The following SNTG1 variants were observed in gnomAD, a reference collection of about 807,000 sequenced individuals.
SNTG1 encodes the protein gamma-1-syntrophin.
A neutral mutation model predicts 74.7 loss-of-function variants in SNTG1; 39 were observed. The observed-to-expected ratio is 0.52, with a 90% CI of 0.40 to 0.68. SNTG1 has a LOEUF of 0.68. Among genes scored for constraint, SNTG1 ranks in the 30% least tolerant of loss-of-function variants. The pLI is 0.00. For missense variants in SNTG1, 685 were observed against 609.5 expected, an observed-to-expected ratio of 1.12 and a Z score of -1.30; for synonymous variants, 254 against 217.1, an observed-to-expected ratio of 1.17 and a Z score of -1.49.
At chr8:50,179,375 C>T (rs1474371473) in intron 2 of SNTG1, among the ~76,000 whole-genome samples, 1 of 152,118 alleles carries the variant, frequency 6.6e-6, no homozygotes, top group Non-Finnish European at 1.5e-5. Flanking sequence ...TGCATTCAAT[C>T]TGTATATGGC....
At chr8:50,359,279 A>T (rs562026393) in intron 2 of SNTG1, among the ~76,000 whole-genome samples, 2 of 152,238 alleles carry the variant, frequency 1.3e-5, no homozygotes, top group East Asian at 1.9e-4. Flanking sequence ...TACCACATTT[A>T]TGCCTTATAG....
chr8:50,705,876 G>A (rs930622016), intron 16 of SNTG1, among the ~76,000 whole-genome samples: 1 of 152,178 alleles, frequency 6.6e-6, no homozygotes, highest in Non-Finnish European at 1.5e-5. Flanking sequence ...AAATTAAAAG[G>A]TTTTCATGCG....
At chr8:50,343,185 C>T (rs115359265) in intron 2 of SNTG1, among the ~76,000 whole-genome samples, 1,529 of 152,232 alleles carry the variant, frequency 0.01, 27 homozygotes, top group African/African-American at 0.035. Flanking sequence ...GCTTAACCTC[C>T]CAGTGAGTAT....
At chr8:50,074,660 G>T (rs979140690) in intron 1 of SNTG1, among the ~76,000 whole-genome samples, 2 of 152,198 alleles carry the variant, frequency 1.3e-5, no homozygotes, top group African/African-American at 4.8e-5. Context: ...TAATGAAAAA[G>T]TTAATATTGC....
At chr8:50,217,083 T>C (rs144888801) in intron 2 of SNTG1, among the ~76,000 whole-genome samples, 5 of 151,878 alleles carry the variant, frequency 3.3e-5, no homozygotes, top group Non-Finnish European at 7.4e-5. Flanking sequence ...ATGAAACAAA[T>C]GGGCTGACAC....
At chr8:50,769,501 CA>C (rs1223917505) in intron 18 of SNTG1, among the ~76,000 whole-genome samples, 1 of 151,616 alleles carries the variant, frequency 6.6e-6, no homozygotes, top group Non-Finnish European at 1.5e-5. Context: ...GTAATTGTAA[CA>C]AAAAAACACC....
chr8:50,511,554 C>T (rs2094075549), intron 9 of SNTG1, among the ~76,000 whole-genome samples: 1 of 152,214 alleles, frequency 6.6e-6, no homozygotes, highest in Admixed American at 6.5e-5. Context: ...GAGTCTAAGT[C>T]TCTTTGTAGG....
rs919588982 is a variant in SNTG1, at chr8:50,149,566, G to A, written c.-102-22995G>A. On this transcript the variant is annotated intron_variant, in intron 1 of 18. Coordinates refer to ENST00000642720, the MANE Select transcript of SNTG1 (RefSeq NM_018967.5). The stretch of plus-strand genomic sequence containing the variant: ...TTCAATCCATCTTGAATTAATTTTT[G>A]TATAAGGTGTAAGGAAGGGATCCAG... Among the ~76,000 whole-genome samples, 3 of 152,248 alleles carry A rather than the reference G, an allele frequency of 2.0e-5. No homozygotes were observed. The East Asian group carries it at 5.8e-4, about 29-fold the overall frequency.
intron 1 of SNTG1, among the ~76,000 whole-genome samples, chr8:50,030,197 T>A (rs1174039735): frequency 1.3e-5 from 2 of 152,152 alleles, no homozygotes; most frequent in South Asian, 4.1e-4. Context: ...AACTGGATTA[T>A]TTGATTTTTT....
intron 12 of SNTG1, among the ~76,000 whole-genome samples, chr8:50,579,734 T>A (rs1450105879): frequency 6.6e-6 from 1 of 152,220 alleles, no homozygotes; most frequent in East Asian, 1.9e-4. Flanking sequence ...TTCCATGTGG[T>A]GTTTGCCCTT....
intron 4 of SNTG1, among the ~76,000 whole-genome samples, chr8:50,429,273 T>C (rs947108282): frequency 6.6e-6 from 1 of 152,100 alleles, no homozygotes; most frequent in Admixed American, 6.6e-5. Flanking sequence ...TCTAAGGTGG[T>C]ACTGGCATAA....
At chr8:50,786,127 A>G (rs149469786) in intron 18 of SNTG1, among the ~76,000 whole-genome samples, 2,519 of 152,070 alleles carry the variant, frequency 0.017, 40 homozygotes, top group Middle Eastern at 0.034. Context: ...AATGTTCATG[A>G]ATTCACTAAG....
chr8:50,170,720 T>G (rs775438737), intron 1 of SNTG1, among the ~76,000 whole-genome samples: 14 of 152,218 alleles, frequency 9.2e-5, no homozygotes, highest in Non-Finnish European at 1.9e-4. Context: ...CCAGGCTGTG[T>G]TTGCATCTGG....
chr8:49,968,873 T>C (rs186748778), intron 1 of SNTG1, among the ~76,000 whole-genome samples: 2 of 152,206 alleles, frequency 1.3e-5, no homozygotes, highest in Admixed American at 1.3e-4. Context: ...GACAGATCTT[T>C]CCCTTGGACT....
intron 2 of SNTG1, among the ~76,000 whole-genome samples, chr8:50,239,066 C>T (rs772341213): frequency 3.9e-5 from 6 of 152,100 alleles, no homozygotes; most frequent in African/African-American, 7.2e-5. Context: ...TTCAGTCACA[C>T]GAAAACCAGC....
chr8:50,254,153 G>C (rs10957853), intron 2 of SNTG1, among the ~76,000 whole-genome samples: 85,968 of 152,010 alleles, frequency 0.57, 28,015 homozygotes, highest in East Asian at 0.83. Flanking sequence ...ATATTACATT[G>C]TATGCCATAA....
At chr8:50,736,634 C>G (rs1179813923) in intron 17 of SNTG1, among the ~76,000 whole-genome samples, 1 of 152,176 alleles carries the variant, frequency 6.6e-6, no homozygotes, top group Admixed American at 6.5e-5. Flanking sequence ...TTCTTTTCAG[C>G]ACCACATCGC....
chr8:50,544,001 T>A (rs550281314), intron 11 of SNTG1, among the ~76,000 whole-genome samples: 2 of 152,254 alleles, frequency 1.3e-5, no homozygotes, highest in African/African-American at 4.8e-5. Context: ...TTATGTCTTT[T>A]GCCCATTTTG....
At chr8:50,644,712 G>A (rs896791302) in intron 13 of SNTG1, among the ~76,000 whole-genome samples, 2 of 152,058 alleles carry the variant, frequency 1.3e-5, no homozygotes, top group Admixed American at 1.3e-4. Flanking sequence ...TTGTTGAAGG[G>A]TCAACTGTAA....
Sources: gnomAD v4.1 joint callset for allele counts (sites outside exome capture counted in the v4.1 genomes callset) on GRCh38, gnomAD v4.1.1 for gene constraint, MANE v1.5 for transcripts, NCBI Gene and HGNC (gene_info 2026-07-23, HGNC 2026-07-21) for gene names.